The following RNF144A variants were observed in gnomAD, a reference collection of about 807,000 sequenced individuals.
RNF144A encodes the protein ring finger protein 144A, also known as E3 ubiquitin-protein ligase RNF144A.
In RNF144A, 11 loss-of-function variants were observed where a neutral mutation model predicts 38.7. The ratio of observed to expected loss-of-function variants is 0.28; its 90% confidence interval spans 0.18 to 0.47. RNF144A has a LOEUF of 0.47. RNF144A is among the 20% of genes least tolerant of loss of function. RNF144A has a pLI of 0.99. For missense variants in RNF144A, 316 were observed against 377.2 expected, an observed-to-expected ratio of 0.84 and a Z score of 1.34; for synonymous variants, 149 against 143.9, an observed-to-expected ratio of 1.04 and a Z score of -0.25.
intron 6 of RNF144A, among the ~76,000 whole-genome samples, chr2:7,055,664 G>T (rs1162147996): frequency 6.6e-6 from 1 of 152,132 alleles, no homozygotes; most frequent in Non-Finnish European, 1.5e-5. Flanking sequence ...AACCCCAGCA[G>T]GTACCATTTA....
chr2:7,030,673 C>T (rs940332717), intron 8 of RNF144A, among the ~76,000 whole-genome samples: 1 of 152,092 alleles, frequency 6.6e-6, no homozygotes, highest in Non-Finnish European at 1.5e-5. Context: ...ACCTTTTTGG[C>T]ACCAGGGACT....
At chr2:6,928,800 A>G (rs1003281806) in intron 1 of RNF144A, among the ~76,000 whole-genome samples, 5 of 152,106 alleles carry the variant, frequency 3.3e-5, no homozygotes, top group African/African-American at 1.2e-4. Context: ...CTTCCCTGTG[A>G]ACTTCCTCCT....
At position 6,944,038 on chromosome 2, in the gene RNF144A, AG is replaced by A. The variant is rs1438689830; in HGVS notation, c.-12+2894del. Among the ~76,000 whole-genome samples, 1 of 152,166 alleles carries A rather than the reference AG, an allele frequency of 6.6e-6. No homozygotes were observed. Among genetic ancestry groups the A allele is most frequent in the Non-Finnish European group, 1.5e-5 (1 of 68,020 alleles). On this transcript the variant is annotated intron_variant, in intron 2 of 8. Coordinates refer to ENST00000320892, the MANE Select transcript of RNF144A (RefSeq NM_014746.6). This position sits in a 1 kb window ranked among gnomAD's most constrained non-coding sequence, Gnocchi z 4.7. ...TGAGTGATCTTTTGGCCAAGCTGAG[AG>A]GGACACAGTGAAAGAATGGCTGGAA...
rs149017902 is a variant in RNF144A, at chr2:6,965,136, A to G, written c.-12+23989A>G. The stretch of plus-strand genomic sequence containing the variant: ...AAACAGGTGTACTCAACAAATTTCA[A>G]ATGTTTGCTCCACCATAGCTGGCAG... On this transcript the variant is annotated intron_variant, in intron 2 of 8. Coordinates refer to ENST00000320892, the MANE Select transcript of RNF144A (RefSeq NM_014746.6). Among the ~76,000 whole-genome samples the G allele has an allele frequency of 5.7e-3, 862 of 152,236 alleles. 13 individuals carry two copies. Among genetic ancestry groups the G allele is most frequent in the African/African-American group, 0.02 (812 of 41,526 alleles).
rs1666818793 is a variant in RNF144A at position 6,953,546 on chromosome 2, A to C, written c.-12+12399A>C. On this transcript the variant is annotated intron_variant, in intron 2 of 8. Coordinates refer to ENST00000320892, the MANE Select transcript of RNF144A (RefSeq NM_014746.6). ...AAAATTACATATTTTTCTATAACCCATGAGTTACTGATAAGTCTTTCAAAA... is the reference window on the plus strand; with the variant it reads ...AAAATTACATATTTTTCTATAACCCCTGAGTTACTGATAAGTCTTTCAAAA... 2.0e-5 allele frequency among the ~76,000 whole-genome samples: 3 copies of C among 152,324 alleles called. No individual in the cohort carries two copies. In the South Asian group the frequency reaches 6.2e-4, roughly 32 times the overall value.
intron 8 of RNF144A, among the ~76,000 whole-genome samples, chr2:7,035,197 T>A (rs1455565090): frequency 6.6e-6 from 1 of 152,160 alleles, no homozygotes; most frequent in Admixed American, 6.5e-5. Context: ...TGTCAAGCTA[T>A]ATCCCTCCCA....
chr2:6,949,524 T>C (rs1301232905), intron 2 of RNF144A, among the ~76,000 whole-genome samples: 1 of 152,096 alleles, frequency 6.6e-6, no homozygotes, highest in African/African-American at 2.4e-5. Context: ...TCCTCTGTAT[T>C]AAAAGGATCA....
At chr2:6,921,303 A>G (rs1260107688) in intron 1 of RNF144A, among the ~76,000 whole-genome samples, 1 of 152,212 alleles carries the variant, frequency 6.6e-6, no homozygotes, top group Non-Finnish European at 1.5e-5. Flanking sequence ...AGCTGGATGC[A>G]GTGTTCCAGA....
At chr2:6,934,393 T>C (rs1249981000) in intron 1 of RNF144A, among the ~76,000 whole-genome samples, 8 of 152,224 alleles carry the variant, frequency 5.3e-5, no homozygotes. Flanking sequence ...GAAGTATTAA[T>C]TCTTCATTAC....
chr2:6,951,230 T>C (rs1209736666), intron 2 of RNF144A, among the ~76,000 whole-genome samples: 1 of 152,190 alleles, frequency 6.6e-6, no homozygotes, highest in Non-Finnish European at 1.5e-5. Flanking sequence ...TGTCTCTATT[T>C]ATCTGAAATG....
chr2:7,059,968 T>C (rs543343934), intron 6 of RNF144A, among the ~76,000 whole-genome samples: 1 of 152,376 alleles, frequency 6.6e-6, no homozygotes, highest in Non-Finnish European at 1.5e-5. Context: ...GGCTTGTTTG[T>C]GTAGCTGTTT....
At chr2:7,020,021 A>G (rs113404691) in intron 5 of RNF144A, among the ~76,000 whole-genome samples, 3 of 152,204 alleles carry the variant, frequency 2.0e-5, no homozygotes, top group Non-Finnish European at 4.4e-5. Context: ...TGCTGGCTGT[A>G]TGCCCAACAT....
At chr2:6,919,818 A>C (rs1156575020) in intron 1 of RNF144A, among the ~76,000 whole-genome samples, 2 of 152,230 alleles carry the variant, frequency 1.3e-5, no homozygotes, top group Admixed American at 1.3e-4. Context: ...AATGTCAGCA[A>C]CTCTGGAAGA....
intron 1 of RNF144A, among the ~76,000 whole-genome samples, chr2:6,920,780 A>G (rs1664493498): frequency 6.6e-6 from 1 of 152,226 alleles, no homozygotes; most frequent in Non-Finnish European, 1.5e-5. Flanking sequence ...GAAACACATG[A>G]ATACCCTTTC....
chr2:7,037,722 C>T (rs1672772583), intron 8 of RNF144A, among the ~76,000 whole-genome samples: 1 of 152,218 alleles, frequency 6.6e-6, no homozygotes, highest in Non-Finnish European at 1.5e-5. Context: ...AAATCTCAGT[C>T]GAGGTATACT....
chr2:7,069,977 C>T (rs577745108), downstream of RNF144A, among the ~76,000 whole-genome samples: 11 of 152,340 alleles, frequency 7.2e-5, no homozygotes, highest in African/African-American at 2.2e-4. Context: ...AGTGCTAACA[C>T]GAAGACACAA....
At chr2:6,950,853 T>C (rs905402973) in intron 2 of RNF144A, among the ~76,000 whole-genome samples, 1 of 152,204 alleles carries the variant, frequency 6.6e-6, no homozygotes, top group Non-Finnish European at 1.5e-5. Flanking sequence ...GGTCTAGTTT[T>C]TTTATTGGAT....
chr2:7,031,285 G>A (rs571191964), intron 8 of RNF144A, among the ~76,000 whole-genome samples: 10 of 152,208 alleles, frequency 6.6e-5, no homozygotes, highest in Non-Finnish European at 1.3e-4. Context: ...AGCCTACCGT[G>A]TGCTGGGTAC....
chr2:6,981,985 G>A (rs191649443), intron 2 of RNF144A, among the ~76,000 whole-genome samples: 1 of 152,162 alleles, frequency 6.6e-6, no homozygotes, highest in Admixed American at 6.5e-5. Flanking sequence ...TTCACAAGGC[G>A]GCAGGAGAGA....
Sources: allele counts gnomAD v4.1 joint callset (sites outside exome capture counted in the v4.1 genomes callset), GRCh38; gene constraint gnomAD v4.1.1; non-coding constraint Gnocchi (gnomAD v3.1); transcripts MANE v1.5; gene names NCBI Gene and HGNC (gene_info 2026-07-23, HGNC 2026-07-21).